Variants in ZCWPW2 observed in about 807,000 individuals in gnomAD.
The protein encoded by ZCWPW2 is zinc finger CW-type and PWWP domain containing 2, also known as zinc finger CW-type PWWP domain protein 2.
ZCWPW2 carries 45 observed loss-of-function variants against 46.6 expected under a neutral mutation model. The observed-to-expected ratio is 0.96, with a 90% CI of 0.76 to 1.24. The LOEUF (loss-of-function observed/expected upper bound fraction) is 1.24, where lower values mean the gene tolerates loss of function less well. ZCWPW2 is among the 50% of genes most tolerant of loss of function. The probability of loss-of-function intolerance (pLI) is 0.00; values close to 1 mark genes in which losing one functional copy is unlikely to be tolerated. For synonymous variants in ZCWPW2, 152 were observed against 137.1 expected (o/e 1.11, Z -0.76); for missense variants, 429 against 403.9 (o/e 1.06, Z -0.53).
At chr3:28,486,424 T>C (rs1699601633) in intron 5 of ZCWPW2, among the ~76,000 whole-genome samples, 1 of 144,368 alleles carries the variant, frequency 6.9e-6, no homozygotes, top group Non-Finnish European at 1.5e-5. Context: ...AGTGCTCTTG[T>C]TGTCTTTGTG....
chr3:28,381,483 T>G (rs552116435), intron 1 of ZCWPW2, among the ~76,000 whole-genome samples: 1 of 152,216 alleles, frequency 6.6e-6, no homozygotes, highest in South Asian at 2.1e-4. Flanking sequence ...GTTTTGCTGT[T>G]TCAGGGATGA....
intron 4 of ZCWPW2, among the ~76,000 whole-genome samples, chr3:28,471,930 A>G (rs926692359): frequency 1.4e-4 from 22 of 152,328 alleles, no homozygotes; most frequent in African/African-American, 5.3e-4. Context: ...TTATATGCCA[A>G]TAGTGGACAA....
At chr3:28,439,577 G>A (rs1173046483) in intron 4 of ZCWPW2, among the ~76,000 whole-genome samples, 1 of 152,042 alleles carries the variant, frequency 6.6e-6, no homozygotes, top group Non-Finnish European at 1.5e-5. Context: ...TTGGCAACTG[G>A]AACCTATACA....
chr3:28,395,034 G>T lies in ZCWPW2; in HGVS notation c.-14+4417G>T, dbSNP rs566383231. ...GATAAGGGGTTAATATCCAAAATTT[G>T]TAAGGAATTCATACAATTCTGTAGC... is the stretch of plus-strand genomic sequence containing the variant. On this transcript the variant is annotated intron_variant, in intron 2 of 9. Transcript: ENST00000383768. Among the ~76,000 whole-genome samples the T allele has an allele frequency of 1.3e-3, 193 of 152,172 alleles. 1 individual carries two copies. Among genetic ancestry groups the T allele is most frequent in the Non-Finnish European group, 4.0e-4 (27 of 67,928 alleles).
intron 1 of ZCWPW2, among the ~76,000 whole-genome samples, chr3:28,375,063 G>A (rs904036744): frequency 2.6e-5 from 4 of 151,434 alleles, no homozygotes; most frequent in Non-Finnish European, 5.9e-5. Flanking sequence ...CTGAATTCAC[G>A]CCTTTATCAT....
Position 28,526,302 on chromosome 3 carries a change from A to T in ZCWPW2, c.*1614A>T, listed in dbSNP as rs1454688964. Among the ~76,000 whole-genome samples, 2 of 152,148 alleles carry T rather than the reference A, an allele frequency of 1.3e-5. No homozygotes were observed. The highest frequency in any genetic ancestry group is 2.9e-5 in the Non-Finnish European group (2 of 68,016). On this transcript the variant is annotated 3_prime_UTR_variant, in exon 10 of 10. Transcript: ENST00000383768. ...TTTCTGTTATATCATTTAATCTACT[A>T]CTCATCAATATCAGAGTTCTTTCTT...
chr3:28,513,934 G>T (rs1268980865), intron 6 of ZCWPW2, 130 bp from the exon 7 acceptor site: 7 of 438,078 alleles, frequency 1.6e-5, no homozygotes, highest in Non-Finnish European at 2.6e-5. Context: ...TAGACGTAAA[G>T]ATGTTGTTTA....
At chr3:28,411,871 A>G (rs959200820) in intron 2 of ZCWPW2, among the ~76,000 whole-genome samples, 1 of 152,132 alleles carries the variant, frequency 6.6e-6, no homozygotes, top group African/African-American at 2.4e-5. Flanking sequence ...TCAACATGAA[A>G]AACAGTGTTA....
At chr3:28,448,784 C>CAAAAAAAAAA (rs576935771) in intron 4 of ZCWPW2, among the ~76,000 whole-genome samples, 6 of 65,354 alleles carry the variant, frequency 9.2e-5, no homozygotes, top group East Asian at 4.8e-4. Context: ...GACTCTGTCT[C>CAAAAAAAAAA]AAAAAAAAAA....
chr3:28,413,727 C>T (rs1221373768), intron 3 of ZCWPW2, among the ~76,000 whole-genome samples: 1 of 151,706 alleles, frequency 6.6e-6, no homozygotes, highest in Non-Finnish European at 1.5e-5. Context: ...TTGTGATTTC[C>T]TTTTTGAAAT....
At chr3:28,480,093 G>A (rs1450018426) in intron 5 of ZCWPW2, among the ~76,000 whole-genome samples, 3 of 152,170 alleles carry the variant, frequency 2.0e-5, no homozygotes, top group African/African-American at 7.2e-5. Context: ...CCAGTAATGA[G>A]ATTGCTGGGT....
chr3:28,348,833 C>A lies in ZCWPW2; in HGVS notation c.-504C>A. 4.0e-6 allele frequency: 2 copies of A among 496,188 alleles called. No homozygotes were observed. The highest frequency in any genetic ancestry group is 5.2e-6 in the Non-Finnish European group (2 of 382,644). The allele number at this position is 496,188 out of a possible 1,614,324, so 30.7% of individuals were successfully genotyped here. A position where few individuals can be genotyped will look rare whatever the true frequency, so the allele number is the denominator to read the frequency against. On this transcript the variant is annotated 5_prime_UTR_variant, in exon 1 of 10. Coordinates refer to ENST00000383768, the MANE Select transcript of ZCWPW2 (RefSeq NM_001040432.4). ...GGACGTTCTGGAAGGAGGGACGAGC[C>A]GAGGCAGGAGGGGCCGGGCCGACGC...
At chr3:28,351,337 T>C (rs1332496100) in intron 1 of ZCWPW2, among the ~76,000 whole-genome samples, 1 of 151,042 alleles carries the variant, frequency 6.6e-6, no homozygotes, top group East Asian at 1.9e-4. Context: ...CTAGATGTTC[T>C]CCCATCAGGG....
At chr3:28,515,456 C>A in intron 7 of ZCWPW2, 98 bp from the exon 8 acceptor site, 2 of 842,856 alleles carry the variant, frequency 2.4e-6, no homozygotes, top group Non-Finnish European at 3.7e-6. Flanking sequence ...AAAATATATG[C>A]ATTTATAATC....
At chr3:28,499,471 C>T (rs1700084357) in intron 6 of ZCWPW2, among the ~76,000 whole-genome samples, 1 of 152,102 alleles carries the variant, frequency 6.6e-6, no homozygotes, top group South Asian at 2.1e-4. Flanking sequence ...TGTTCATATC[C>T]TTCCACCACT....
intron 3 of ZCWPW2, among the ~76,000 whole-genome samples, chr3:28,426,572 T>C (rs560654722): frequency 2.0e-5 from 3 of 152,336 alleles, no homozygotes; most frequent in South Asian, 4.1e-4. Flanking sequence ...TTCTACTGGA[T>C]CCTTTCAGTA....
intron 2 of ZCWPW2, among the ~76,000 whole-genome samples, chr3:28,404,120 C>A (rs1466894109): frequency 2.0e-5 from 3 of 151,888 alleles, no homozygotes; most frequent in African/African-American, 4.8e-5. Context: ...GAAAAAAATT[C>A]TTCACAACCT....
At chr3:28,411,233 G>T (rs1194201816) in intron 2 of ZCWPW2, among the ~76,000 whole-genome samples, 1 of 151,800 alleles carries the variant, frequency 6.6e-6, no homozygotes, top group Non-Finnish European at 1.5e-5. Context: ...AAAAATTCAT[G>T]AATACAATGT....
At position 28,390,514 on chromosome 3, in the gene ZCWPW2, C is replaced by T. The variant is rs934599010; in HGVS notation, c.-117C>T. On this transcript the variant is annotated 5_prime_UTR_variant, in exon 2 of 10. It adds an upstream start codon to the 5' untranslated region. Transcript: ENST00000383768. ...CTTCTTCAGATTCATCCCAGTAGAACGCCTGCCTCTTTAGTGACTACAGAC... is the reference window on the plus strand; with the variant it reads ...CTTCTTCAGATTCATCCCAGTAGAATGCCTGCCTCTTTAGTGACTACAGAC... 38 of 985,296 alleles carry T rather than the reference C, an allele frequency of 3.9e-5. No homozygotes were observed. The highest frequency in any genetic ancestry group is 3.4e-4 in the East Asian group (3 of 8,792). 61.0% of individuals were successfully genotyped at this position (985,296 alleles called of 1,614,324 possible).
Sources: allele counts gnomAD v4.1 joint callset (sites outside exome capture counted in the v4.1 genomes callset), GRCh38; gene constraint gnomAD v4.1.1; transcripts MANE v1.5; gene names NCBI Gene and HGNC (gene_info 2026-07-23, HGNC 2026-07-21).